GALNTL6: variants seen among roughly 807,000 people sequenced by gnomAD.
GALNTL6 encodes polypeptide N-acetylgalactosaminyltransferase-like 6.
Under a neutral mutation model 73.7 loss-of-function variants are expected in GALNTL6, and 46 were observed. The observed-to-expected ratio is 0.62, with a 90% CI of 0.49 to 0.80. GALNTL6 has a LOEUF of 0.80. Ranked by LOEUF, GALNTL6 falls within the 30% of genes least tolerant of loss-of-function variation. The probability of loss-of-function intolerance (pLI) is 0.00; values close to 1 mark genes in which losing one functional copy is unlikely to be tolerated. For missense variants in GALNTL6, 604 were observed against 755.0 expected (o/e 0.80, Z 2.34); for synonymous variants, 259 against 263.7 (o/e 0.98, Z 0.17).
intron 3 of GALNTL6, among the ~76,000 whole-genome samples, chr4:172,297,048 C>T (rs1040420266): frequency 8.5e-5 from 13 of 152,202 alleles, no homozygotes; most frequent in African/African-American, 1.9e-4. Context: ...TTTTAATGAT[C>T]GCCATTCTGA....
intron 2 of GALNTL6, among the ~76,000 whole-genome samples, chr4:171,928,963 A>T (rs1446036547): frequency 6.6e-6 from 1 of 152,248 alleles, no homozygotes; most frequent in Non-Finnish European, 1.5e-5. Context: ...ATAAGAAATT[A>T]TACCACAATA....
chr4:171,838,773 A>G (rs929397295), intron 2 of GALNTL6, among the ~76,000 whole-genome samples: 3 of 152,168 alleles, frequency 2.0e-5, no homozygotes, highest in Admixed American at 6.6e-5. Flanking sequence ...TAGAGAATGG[A>G]CACATATCTT....
At chr4:172,315,887 A>G (rs1171064273) in intron 4 of GALNTL6, among the ~76,000 whole-genome samples, 1 of 152,132 alleles carries the variant, frequency 6.6e-6, no homozygotes, top group South Asian at 2.1e-4. Flanking sequence ...TTAGCATGCT[A>G]TGGAACACCT....
chr4:172,453,332 CAG>C (rs1732280722), intron 5 of GALNTL6, among the ~76,000 whole-genome samples: 1 of 151,974 alleles, frequency 6.6e-6, no homozygotes, highest in Non-Finnish European at 1.5e-5. Context: ...AATAAGAAGA[CAG>C]AGAATTTTAA....
intron 5 of GALNTL6, among the ~76,000 whole-genome samples, chr4:172,556,093 C>T (rs904315895): frequency 1.3e-5 from 2 of 151,938 alleles, no homozygotes; most frequent in African/African-American, 4.8e-5. Context: ...CTTAAATGTG[C>T]CTTAATGTGG....
chr4:172,704,707 A>G (rs1245354085), intron 5 of GALNTL6, among the ~76,000 whole-genome samples: 2 of 152,002 alleles, frequency 1.3e-5, no homozygotes, highest in Non-Finnish European at 1.5e-5. Flanking sequence ...GGTTAGGTTC[A>G]TTTGGTCTAG....
intron 2 of GALNTL6, among the ~76,000 whole-genome samples, chr4:172,062,583 G>A (rs950795815): frequency 3.9e-5 from 6 of 152,192 alleles, no homozygotes; most frequent in Admixed American, 6.5e-5. Flanking sequence ...AAAGGCTATC[G>A]ATAAATTTTC....
At chr4:172,871,696 G>A (rs1453162560) in intron 7 of GALNTL6, among the ~76,000 whole-genome samples, 4 of 151,542 alleles carry the variant, frequency 2.6e-5, no homozygotes, top group Non-Finnish European at 4.4e-5. Flanking sequence ...TGTCCTTCAA[G>A]GCAAATGGTA....
intron 5 of GALNTL6, among the ~76,000 whole-genome samples, chr4:172,572,305 A>C (rs559725970): frequency 6.6e-6 from 1 of 152,218 alleles, no homozygotes; most frequent in Admixed American, 6.5e-5. Flanking sequence ...ACACAGAAGA[A>C]TCTGAGCTGA....
chr4:171,902,110 A>G (rs1456540347), intron 2 of GALNTL6, among the ~76,000 whole-genome samples: 4 of 152,196 alleles, frequency 2.6e-5, no homozygotes, highest in African/African-American at 9.6e-5. Flanking sequence ...ATAAGCAACA[A>G]GAAATACACA....
At chr4:172,612,258 A>G (rs932784690) in intron 5 of GALNTL6, among the ~76,000 whole-genome samples, 6 of 152,050 alleles carry the variant, frequency 3.9e-5, no homozygotes, top group African/African-American at 7.2e-5. Context: ...AAACAAATCA[A>G]ATGTACAGTG....
At chr4:172,831,865 G>C (rs138004395) in intron 7 of GALNTL6, among the ~76,000 whole-genome samples, 1 of 152,160 alleles carries the variant, frequency 6.6e-6, no homozygotes, top group Non-Finnish European at 1.5e-5. Flanking sequence ...ACAACAAGAC[G>C]TCTGCAGTCT....
Position 172,057,655 on chromosome 4 carries a change from A to G in GALNTL6, c.139-172001A>G, listed in dbSNP as rs181479877. ...ATGGGAGGTTAAGGATGCAGTGAGG[A>G]GAGACTGCCCACTGAACTCCAGCCT... On this transcript the variant is annotated intron_variant, in intron 2 of 12. Transcript: ENST00000506823. Among the ~76,000 whole-genome samples, 207 of 143,704 alleles carry G rather than the reference A, an allele frequency of 1.4e-3. 4 individuals are homozygous for G. The East Asian group carries it at 0.033, about 23-fold the overall frequency. The allele number at this position is 143,704 out of a possible 152,430, so 94.3% of individuals were successfully genotyped here.
intron 2 of GALNTL6, among the ~76,000 whole-genome samples, chr4:171,832,647 A>G (rs897623875): frequency 6.6e-6 from 1 of 151,810 alleles, no homozygotes; most frequent in Admixed American, 6.6e-5. Flanking sequence ...CATTTTATCA[A>G]ACATCATATT....
chr4:171,959,154 A>G (rs1739142285), intron 2 of GALNTL6, among the ~76,000 whole-genome samples: 1 of 152,324 alleles, frequency 6.6e-6, no homozygotes, highest in East Asian at 1.9e-4. Context: ...TTAACCAATT[A>G]GAAAGACTAT....
At position 172,773,848 on chromosome 4, in the gene GALNTL6, T is replaced by G. The variant is rs560643153; in HGVS notation, c.554-35513T>G. Among the ~76,000 whole-genome samples the G allele has an allele frequency of 1.6e-4, 25 of 152,304 alleles. No individual in the cohort carries two copies. The South Asian group carries it at 5.2e-3, about 32-fold the overall frequency. ...TATGAGAATGTGTTAGGGAAAAGTA[T>G]GATAGTATGTTCTCTAAATTATCCC... is the stretch of plus-strand genomic sequence containing the variant. On this transcript the variant is annotated intron_variant, in intron 5 of 12. Coordinates refer to ENST00000506823, the MANE Select transcript of GALNTL6 (RefSeq NM_001034845.3).
intron 2 of GALNTL6, among the ~76,000 whole-genome samples, chr4:171,933,964 A>C (rs929140376): frequency 3.9e-5 from 6 of 152,200 alleles, no homozygotes; most frequent in African/African-American, 1.4e-4. Flanking sequence ...GGGTTTTCAA[A>C]TGTTATAAAC....
Position 172,229,644 on chromosome 4 carries a change from C to T in GALNTL6, c.139-12C>T, listed in dbSNP as rs201187316. Reference sequence around the variant, plus strand: ...CCTCCTTTTTATGCTTGAATACTTTCCTTTTCCACAGACATTTCCACTGGG... The same window carrying T: ...CCTCCTTTTTATGCTTGAATACTTTTCTTTTCCACAGACATTTCCACTGGG... On this transcript the variant is annotated splice_polypyrimidine_tract_variant and intron_variant, in intron 2 of 12. Coordinates refer to ENST00000506823, the MANE Select transcript of GALNTL6 (RefSeq NM_001034845.3). 45 of 1,571,204 alleles carry T rather than the reference C, an allele frequency of 2.9e-5. No homozygotes were observed. In the African/African-American group the frequency reaches 5.4e-4, roughly 19 times the overall value.
chr4:172,377,908 C>A (rs545772540), intron 5 of GALNTL6, among the ~76,000 whole-genome samples: 9 of 151,978 alleles, frequency 5.9e-5, no homozygotes, highest in African/African-American at 9.7e-5. Context: ...AGATCCCCCC[C>A]CCCATGCCTC....
Sources: allele counts gnomAD v4.1 joint callset (sites outside exome capture counted in the v4.1 genomes callset), GRCh38; gene constraint gnomAD v4.1.1; transcripts MANE v1.5; gene names NCBI Gene and HGNC (gene_info 2026-07-23, HGNC 2026-07-21).